NRXN1: variants seen among roughly 807,000 people sequenced by gnomAD.
The protein encoded by NRXN1 is neurexin-1.
NRXN1 carries 39 observed loss-of-function variants against 150.9 expected under a neutral mutation model. The observed-to-expected ratio is 0.26, with a 90% CI of 0.20 to 0.34. The LOEUF (loss-of-function observed/expected upper bound fraction) is 0.34, where lower values mean the gene tolerates loss of function less well. Among genes scored for constraint, NRXN1 ranks in the 10% least tolerant of loss-of-function variants. The pLI is 1.00. For synonymous variants in NRXN1, 924 were observed against 757.0 expected, an observed-to-expected ratio of 1.22 and a Z score of -3.62; for missense variants, 1,815 against 1,949.9, an observed-to-expected ratio of 0.93 and a Z score of 1.30.
intron 13 of NRXN1, among the ~76,000 whole-genome samples, chr2:50,506,255 T>C (rs1450073425): frequency 4.6e-5 from 7 of 152,152 alleles, no homozygotes; most frequent in Admixed American, 3.9e-4. Flanking sequence ...GAAAATATAT[T>C]ATAATTTCTT....
At chr2:50,801,764 G>C (rs1210532412) in intron 5 of NRXN1, among the ~76,000 whole-genome samples, 1 of 152,084 alleles carries the variant, frequency 6.6e-6, no homozygotes, top group Non-Finnish European at 1.5e-5. Context: ...TTGGAAGCAA[G>C]GGCACAGATT....
intron 18 of NRXN1, among the ~76,000 whole-genome samples, chr2:50,127,708 A>C (rs142732863): frequency 6.5e-4 from 99 of 152,318 alleles, no homozygotes; most frequent in African/African-American, 2.2e-3. Context: ...TAGAATGATG[A>C]TGACGTATAT....
intron 17 of NRXN1, among the ~76,000 whole-genome samples, chr2:50,266,046 T>TG (rs1325187895): frequency 1.3e-5 from 2 of 149,012 alleles, no homozygotes; most frequent in Non-Finnish European, 3.0e-5. Flanking sequence ...TTGCCCAGGC[T>TG]GGAGTGCAGT....
intron 10 of NRXN1, among the ~76,000 whole-genome samples, chr2:50,533,914 T>C (rs2216173): frequency 1 from 152,246 of 152,258 alleles, 76,117 homozygotes; most frequent in Middle Eastern, 1. Flanking sequence ...TATATATTCA[T>C]CATTTCACTT....
chr2:50,583,426 C>G (rs1224731199), intron 8 of NRXN1, among the ~76,000 whole-genome samples: 1 of 152,188 alleles, frequency 6.6e-6, no homozygotes, highest in Non-Finnish European at 1.5e-5. Context: ...AAATCCTCCT[C>G]TGGGATTCTT....
chr2:50,621,354 T>A, intron 6 of NRXN1, 105 bp from the exon 7 acceptor site: 1 of 837,066 alleles, frequency 1.2e-6, no homozygotes, highest in Non-Finnish European at 1.9e-6. Flanking sequence ...ATTTTTTGAT[T>A]CAGGTAACGG....
chr2:50,369,308 T>A (rs1331734787), intron 17 of NRXN1, among the ~76,000 whole-genome samples: 1 of 152,008 alleles, frequency 6.6e-6, no homozygotes, highest in South Asian at 2.1e-4. Context: ...CCTATATATT[T>A]TTTATTAAAC....
intron 18 of NRXN1, chr2:50,105,416 A>G (rs1260498117): frequency 6.6e-6 from 1 of 152,030 alleles, no homozygotes; most frequent in Non-Finnish European, 1.5e-5. Flanking sequence ...AGTCTGTAAG[A>G]GAGGAACACT....
At chr2:50,301,004 A>G (rs749333884) in intron 17 of NRXN1, among the ~76,000 whole-genome samples, 13 of 152,092 alleles carry the variant, frequency 8.5e-5, no homozygotes, top group South Asian at 8.3e-4. Context: ...CTGAGTAGCC[A>G]TCTTTGACCA....
intron 5 of NRXN1, among the ~76,000 whole-genome samples, chr2:50,747,719 T>C (rs1700171136): frequency 2.6e-5 from 4 of 152,262 alleles, no homozygotes; most frequent in Admixed American, 6.5e-5. Context: ...ACATGAGTAA[T>C]ATGAGTAATA....
At chr2:50,037,675 T>C (rs185033989) in intron 21 of NRXN1, among the ~76,000 whole-genome samples, 9 of 152,328 alleles carry the variant, frequency 5.9e-5, no homozygotes, top group Admixed American at 5.2e-4. Context: ...ACTCAGCTCT[T>C]ATCAACCACA....
chr2:49,996,232 T>C (rs1682978225), intron 21 of NRXN1, among the ~76,000 whole-genome samples: 2 of 152,154 alleles, frequency 1.3e-5, no homozygotes, highest in Admixed American at 1.3e-4. Context: ...CAGGGAGGAA[T>C]TGCAGAAGTA....
Position 50,327,823 on chromosome 2 carries a change from T to C in NRXN1, c.3365-90853A>G, listed in dbSNP as rs1298819292. Among the ~76,000 whole-genome samples, 5 of 152,206 alleles carry C rather than the reference T, an allele frequency of 3.3e-5. No individual in the cohort carries two copies. In the East Asian group the frequency reaches 9.7e-4, roughly 29 times the overall value. On this transcript the variant is annotated intron_variant, in intron 17 of 22. Coordinates refer to ENST00000401669, the MANE Select transcript of NRXN1 (RefSeq NM_001330078.2). ...AGCCACCTTGCCTGGCTAATTTTTG[T>C]ATTTTTAGTAGAGACAGGGTTTCAC...
chr2:50,613,861 C>G (rs1009854643), intron 8 of NRXN1, among the ~76,000 whole-genome samples: 5 of 152,124 alleles, frequency 3.3e-5, no homozygotes, highest in African/African-American at 1.2e-4. Context: ...TGGCGTGAAC[C>G]CAGGTGGCGG....
intron 5 of NRXN1, among the ~76,000 whole-genome samples, chr2:50,795,716 C>G (rs1706728536): frequency 6.6e-6 from 1 of 152,112 alleles, no homozygotes; most frequent in Non-Finnish European, 1.5e-5. Flanking sequence ...CTGCTCAGTA[C>G]TTATGAACTC....
At chr2:50,946,695 A>G (rs917216655) in intron 2 of NRXN1, among the ~76,000 whole-genome samples, 1 of 152,214 alleles carries the variant, frequency 6.6e-6, no homozygotes, top group Non-Finnish European at 1.5e-5. Flanking sequence ...TTAAAGCAGT[A>G]TAAAAATTAC....
intron 2 of NRXN1, among the ~76,000 whole-genome samples, chr2:50,990,955 C>T (rs1189299662): frequency 6.6e-6 from 1 of 152,006 alleles, no homozygotes; most frequent in African/African-American, 2.4e-5. Context: ...AGACCTGGGC[C>T]TATGTTCTGG....
chr2:50,219,776 T>A (rs113983629), intron 18 of NRXN1, among the ~76,000 whole-genome samples: 1 of 149,346 alleles, frequency 6.7e-6, no homozygotes, highest in Non-Finnish European at 1.5e-5. Context: ...CAGTCCCAGA[T>A]ACTTGAGAGG....
At chr2:50,708,532 G>C (rs892025827) in intron 5 of NRXN1, among the ~76,000 whole-genome samples, 5 of 152,148 alleles carry the variant, frequency 3.3e-5, no homozygotes, top group Admixed American at 2.6e-4. Flanking sequence ...TAAAAGGCAA[G>C]CTGCACAGTT....
Sources: allele counts gnomAD v4.1 joint callset (sites outside exome capture counted in the v4.1 genomes callset), GRCh38; gene constraint gnomAD v4.1.1; transcripts MANE v1.5; gene names NCBI Gene and HGNC (gene_info 2026-07-23, HGNC 2026-07-21).